The following SASH1 variants were observed in gnomAD, a reference collection of about 807,000 sequenced individuals.
SASH1 encodes the protein SAM and SH3 domain containing 1, also known as SAM and SH3 domain-containing protein 1.
Under a neutral mutation model 125.2 loss-of-function variants are expected in SASH1, and 44 were observed. The observed-to-expected ratio is 0.35, with a 90% CI of 0.28 to 0.45. The LOEUF (loss-of-function observed/expected upper bound fraction) is 0.45. SASH1 is among the 20% of genes least tolerant of loss of function. The pLI is 1.00. For missense variants in SASH1, 1,426 were observed against 1,614.5 expected (o/e 0.88, Z 2.00); for synonymous variants, 639 against 649.1 (o/e 0.98, Z 0.24).
chr6:148,194,700 G>A, the SASH1 span, among the ~76,000 whole-genome samples: 3,690 of 152,348 alleles, frequency 0.024, 74 homozygotes, highest in South Asian at 0.054. Flanking sequence ...GAGGTCAGGA[G>A]ATCGAGACCA....
At chr6:148,312,706 A>G (rs1780364542) in intron 1 of SASH1, among the ~76,000 whole-genome samples, 1 of 152,226 alleles carries the variant, frequency 6.6e-6, no homozygotes, top group Non-Finnish European at 1.5e-5. Context: ...CCTAATGCAT[A>G]AAGTAAAATT....
intron 2 of SASH1, among the ~76,000 whole-genome samples, chr6:148,435,089 G>A (rs900473566): frequency 6.6e-6 from 1 of 152,070 alleles, no homozygotes; most frequent in Non-Finnish European, 1.5e-5. Context: ...ATTGCTAGGT[G>A]AGGTGGCTCA....
intron 10 of SASH1, chr6:148,525,061 G>C: frequency 2.0e-6 from 1 of 512,784 alleles, no homozygotes; most frequent in Non-Finnish European, 3.5e-6. Flanking sequence ...GGGGATTCTA[G>C]ACCTCTGGGG....
At chr6:148,233,242 C>A in the SASH1 span, among the ~76,000 whole-genome samples, 2 of 150,820 alleles carry the variant, frequency 1.3e-5, no homozygotes, top group Admixed American at 6.6e-5. Context: ...AATAGTGAAG[C>A]ACAGCCAAGG....
chr6:148,301,104 A>G (rs1220686541), intron 1 of SASH1, among the ~76,000 whole-genome samples: 1 of 151,850 alleles, frequency 6.6e-6, no homozygotes, highest in Non-Finnish European at 1.5e-5. Context: ...AGGCCAGCAG[A>G]TAAACTGCAG....
Position 148,399,214 on chromosome 6 carries a change from C to CTTTTTTTTTT in SASH1, c.285+8969_285+8978dup, listed in dbSNP as rs371374910. The stretch of plus-strand genomic sequence containing the variant: ...AAATGTGCATCAACAATTTCAGCTT[C>CTTTTTTTTTT]TTTTTTTTTTTTTTTTTTTTTTTTT... On this transcript the variant is annotated intron_variant, in intron 2 of 19. Transcript: ENST00000367467. 3.5e-4 allele frequency among the ~76,000 whole-genome samples: 37 copies of CTTTTTTTTTT among 106,660 alleles called. 1 individual carries two copies. The highest frequency in any genetic ancestry group is 1.3e-3 in the African/African-American group (36 of 27,072). 70.0% of individuals were successfully genotyped at this position (106,660 alleles called of 152,430 possible).
intron 4 of SASH1, among the ~76,000 whole-genome samples, chr6:148,446,972 C>T (rs979486741): frequency 2.0e-5 from 3 of 152,284 alleles, no homozygotes; most frequent in South Asian, 2.1e-4. Context: ...AGTGGCAAAT[C>T]GTGTTCGTTA....
At chr6:148,287,517 T>C (rs908358694) in intron 1 of SASH1, among the ~76,000 whole-genome samples, 8 of 152,224 alleles carry the variant, frequency 5.3e-5, no homozygotes, top group South Asian at 4.1e-4. Context: ...GGCAACTTGC[T>C]GCTCTGGAGC....
chr6:148,264,916 T>G, the SASH1 span, among the ~76,000 whole-genome samples: 32 of 152,382 alleles, frequency 2.1e-4, no homozygotes, highest in African/African-American at 6.7e-4. Flanking sequence ...AAAGCATGCT[T>G]CATGAAAGTA....
chr6:148,216,328 C>T, the SASH1 span, among the ~76,000 whole-genome samples: 13 of 152,122 alleles, frequency 8.5e-5, no homozygotes, highest in African/African-American at 3.1e-4. Flanking sequence ...GAGAAATACT[C>T]GGATTTCTTG....
intron 19 of SASH1, among the ~76,000 whole-genome samples, chr6:148,546,907 T>C (rs1401019295): frequency 6.6e-6 from 1 of 152,054 alleles, no homozygotes; most frequent in Non-Finnish European, 1.5e-5. Context: ...ATTGATATCA[T>C]CAATACAGTA....
chr6:148,292,816 C>T (rs1399572716), intron 1 of SASH1, among the ~76,000 whole-genome samples: 3 of 152,038 alleles, frequency 2.0e-5, no homozygotes, highest in Non-Finnish European at 1.5e-5. Context: ...TTTGGGAGGC[C>T]GAGGTGGGCA....
intron 4 of SASH1, among the ~76,000 whole-genome samples, chr6:148,447,233 C>A (rs1776835398): frequency 6.6e-6 from 1 of 152,054 alleles, no homozygotes; most frequent in African/African-American, 2.4e-5. Context: ...TACACTTGAA[C>A]TATTTTATGG....
At chr6:148,347,566 G>A (rs1781563072) in intron 1 of SASH1, among the ~76,000 whole-genome samples, 1 of 152,128 alleles carries the variant, frequency 6.6e-6, no homozygotes, top group Admixed American at 6.6e-5. Context: ...GTGTGGGGCG[G>A]GGAGATGTTA....
chr6:148,294,372 T>C (rs1217631243), intron 1 of SASH1, among the ~76,000 whole-genome samples: 1 of 152,192 alleles, frequency 6.6e-6, no homozygotes, highest in Non-Finnish European at 1.5e-5. Context: ...TCCTGGACCC[T>C]TTCCTTACGA....
At chr6:148,320,279 A>C (rs1480024179) in intron 1 of SASH1, among the ~76,000 whole-genome samples, 4 of 152,218 alleles carry the variant, frequency 2.6e-5, no homozygotes, top group Non-Finnish European at 4.4e-5. Flanking sequence ...AGATCTGGAC[A>C]AGACCCTCTG....
rs746454305 is a variant in SASH1 at position 148,343,120 on chromosome 6, AGCCGGAGCCCGAGCCCGC to A, written c.63_80del (p.Ala24_Pro29del). On this transcript the variant is annotated inframe_deletion, in exon 1 of 20. Transcript: ENST00000367467. ...GGGCCGGAGCCTGAGCCCGAGCCCGAGCCGGAGCCCGAGCCCGCGCCGGAGCCGGAACCGGAGCCCAAG... is the reference window on the plus strand; with the variant it reads ...GGGCCGGAGCCTGAGCCCGAGCCCGAGCCGGAGCCGGAACCGGAGCCCAAG... 11 of 1,589,918 alleles carry A rather than the reference AGCCGGAGCCCGAGCCCGC, an allele frequency of 6.9e-6. No individual in the cohort carries two copies. The highest frequency in any genetic ancestry group is 1.7e-4 in the Middle Eastern group (1 of 6,002).
the SASH1 span, among the ~76,000 whole-genome samples, chr6:148,221,169 TAGC>T: frequency 8.5e-5 from 13 of 152,334 alleles, no homozygotes; most frequent in East Asian, 1.3e-3. Context: ...GATCAATAAA[TAGC>T]AGCAAAAACT....
intron 1 of SASH1, among the ~76,000 whole-genome samples, chr6:148,369,966 C>CAAAAAAAAAAAAAAAAAAAAA (rs562924566): frequency 1.4e-4 from 13 of 93,508 alleles, no homozygotes; most frequent in African/African-American, 2.1e-4. Context: ...AAAAGAAAAA[C>CAAAAAAAAAAAAAAAAAAAAA]AAAAAAAAAA....
Sources: allele counts gnomAD v4.1 joint callset (sites outside exome capture counted in the v4.1 genomes callset), GRCh38; gene constraint gnomAD v4.1.1; transcripts MANE v1.5; gene names NCBI Gene and HGNC (gene_info 2026-07-23, HGNC 2026-07-21).